The following ASIP variants were observed in gnomAD, a reference collection of about 807,000 sequenced individuals.
ASIP encodes agouti signaling protein, also known as agouti-signaling protein.
A neutral mutation model predicts 10.3 loss-of-function variants in ASIP; 11 were observed. That is an observed-to-expected ratio of 1.07 (90% CI 0.68 to 1.78). The LOEUF is 1.78. Ranked by LOEUF, ASIP falls within the 40% of genes most tolerant of loss-of-function variation. The pLI is 0.00. For missense variants in ASIP, 180 were observed against 169.2 expected (o/e 1.06, Z -0.35); for synonymous variants, 70 against 70.8 (o/e 0.99, Z 0.06).
At chr20:34,188,197 A>G in the ASIP span, among the ~76,000 whole-genome samples, 38 of 152,376 alleles carry the variant, frequency 2.5e-4, 1 homozygote, top group Admixed American at 4.6e-4. Flanking sequence ...AATTATACGC[A>G]AGATGGTAGA....
intron 1 of ASIP, among the ~76,000 whole-genome samples, chr20:34,203,841 A>T (rs2034917075): frequency 6.6e-6 from 1 of 152,068 alleles, no homozygotes; most frequent in Admixed American, 6.5e-5. Context: ...TTCCTGCCTT[A>T]GCCTCCCAAG....
At chr20:34,264,415 T>C (rs1263127981) in intron 3 of ASIP, among the ~76,000 whole-genome samples, 1 of 152,186 alleles carries the variant, frequency 6.6e-6, no homozygotes, top group Non-Finnish European at 1.5e-5. Context: ...TGCAGTAAAA[T>C]GTGATCCCTC....
chr20:34,197,261 T>G (rs1047609278), intron 1 of ASIP, among the ~76,000 whole-genome samples: 9 of 152,240 alleles, frequency 5.9e-5, no homozygotes, highest in Non-Finnish European at 1.3e-4. Context: ...CTCTAGAGGC[T>G]GAGGCAGGAG....
intron 1 of ASIP, among the ~76,000 whole-genome samples, chr20:34,235,435 A>G (rs1233391830): frequency 6.6e-6 from 1 of 150,766 alleles, no homozygotes; most frequent in Admixed American, 6.6e-5. Context: ...GTGAGACTCC[A>G]TCTCAAAAAC....
intron 3 of ASIP, among the ~76,000 whole-genome samples, chr20:34,264,144 A>C (rs2035745112): frequency 6.6e-6 from 1 of 152,236 alleles, no homozygotes; most frequent in African/African-American, 2.4e-5. Flanking sequence ...TAAATCTATT[A>C]TAAAAAATTA....
intron 1 of ASIP, among the ~76,000 whole-genome samples, chr20:34,245,333 CAAA>C (rs1257990215): frequency 1.4e-4 from 9 of 63,576 alleles, no homozygotes; most frequent in Non-Finnish European, 2.2e-4. Context: ...GACTCTGTCT[CAAA>C]AAAAAAAAAA....
chr20:34,262,743 C>A, intron 2 of ASIP, 89 bp from the exon 3 acceptor site: 1 of 1,466,608 alleles, frequency 6.8e-7, no homozygotes, highest in Non-Finnish European at 9.5e-7. Context: ...GACCTTGTGA[C>A]TTCCCAAGCC....
chr20:34,268,977 C>T lies in ASIP; in HGVS notation c.223-14C>T, dbSNP rs375221899. On this transcript the variant is annotated splice_polypyrimidine_tract_variant and intron_variant, in intron 3 of 3. Coordinates refer to ENST00000374954, the MANE Select transcript of ASIP (RefSeq NM_001672.3). ...GCGTGGCCGGCTCATAAAGCCCCGGCGTTTCCCACGCAGAAGGAGGCTTCG... is the reference window on the plus strand; with the variant it reads ...GCGTGGCCGGCTCATAAAGCCCCGGTGTTTCCCACGCAGAAGGAGGCTTCG... 1.2e-5 allele frequency: 19 copies of T among 1,593,872 alleles called. No homozygotes were observed. The highest frequency in any genetic ancestry group is 1.7e-4 in the Middle Eastern group (1 of 6,038).
At chr20:34,215,538 T>A in intron 1 of ASIP, 1 of 1,510,174 alleles carries the variant, frequency 6.6e-7, no homozygotes. Flanking sequence ...GGCCACTTAG[T>A]GAGATATTCT....
At chr20:34,188,458 A>G in the ASIP span, among the ~76,000 whole-genome samples, 1 of 152,242 alleles carries the variant, frequency 6.6e-6, no homozygotes. Context: ...TTCATCTAGA[A>G]GAAAGTCTCA....
chr20:34,252,673 T>A (rs1156640281), intron 1 of ASIP, among the ~76,000 whole-genome samples: 1 of 151,958 alleles, frequency 6.6e-6, no homozygotes, highest in Non-Finnish European at 1.5e-5. Flanking sequence ...CTTTCACTAC[T>A]CCCCCTCAGC....
intron 1 of ASIP, among the ~76,000 whole-genome samples, chr20:34,243,992 G>A (rs1209746573): frequency 2.6e-5 from 4 of 152,176 alleles, no homozygotes; most frequent in Admixed American, 6.5e-5. Context: ...GTGAACCCGG[G>A]AAGCGGAGCT....
chr20:34,267,813 G>A (rs2035814305), intron 3 of ASIP, among the ~76,000 whole-genome samples: 1 of 150,414 alleles, frequency 6.6e-6, no homozygotes, highest in Non-Finnish European at 1.5e-5. Flanking sequence ...TTACAGGCAT[G>A]AGCCACCACA....
intron 1 of ASIP, among the ~76,000 whole-genome samples, chr20:34,200,967 T>G (rs1400518312): frequency 9.8e-6 from 1 of 102,060 alleles, no homozygotes; most frequent in Non-Finnish European, 1.6e-5. Context: ...TTTCTTTCTT[T>G]CTTTCCTTCC....
At chr20:34,202,801 CTTTTTTTTTTTTTT>C (rs34156089) in intron 1 of ASIP, among the ~76,000 whole-genome samples, 1 of 57,286 alleles carries the variant, frequency 1.7e-5, no homozygotes, top group Non-Finnish European at 3.4e-5. Flanking sequence ...CTTGGCTATT[CTTTTTTTTTTTTTT>C]TTTTTTTTTT....
At chr20:34,223,496 T>TG (rs1255724756) in intron 1 of ASIP, among the ~76,000 whole-genome samples, 8 of 144,822 alleles carry the variant, frequency 5.5e-5, no homozygotes, top group Non-Finnish European at 1.1e-4. Context: ...GGGAGGGAGG[T>TG]GGGGGGTCAG....
chr20:34,194,238 G>A (rs1030516613), upstream of ASIP, among the ~76,000 whole-genome samples: 1 of 152,058 alleles, frequency 6.6e-6, no homozygotes, highest in African/African-American at 2.4e-5. Flanking sequence ...GGGAAACCCA[G>A]AGAAGAAAAA....
At chr20:34,260,806 C>T (rs2122661318) in intron 2 of ASIP, among the ~76,000 whole-genome samples, 1 of 152,326 alleles carries the variant, frequency 6.6e-6, no homozygotes, top group East Asian at 1.9e-4. Flanking sequence ...TTTAGCATTT[C>T]TGAAACTTAA....
At chr20:34,213,192 C>T (rs2034985559) in intron 1 of ASIP, among the ~76,000 whole-genome samples, 1 of 152,170 alleles carries the variant, frequency 6.6e-6, no homozygotes, top group South Asian at 2.1e-4. Flanking sequence ...TTTCTTTATC[C>T]TTCTGCCATG....
Sources: gnomAD v4.1 joint callset for allele counts (sites outside exome capture counted in the v4.1 genomes callset) on GRCh38, gnomAD v4.1.1 for gene constraint, MANE v1.5 for transcripts, NCBI Gene and HGNC (gene_info 2026-07-23, HGNC 2026-07-21) for gene names.